The following CTNNA3 variants were observed in gnomAD, a reference collection of about 807,000 sequenced individuals.
CTNNA3 encodes the protein catenin alpha-3.
A neutral mutation model predicts 95.7 loss-of-function variants in CTNNA3; 76 were observed. That is an observed-to-expected ratio of 0.79 (90% CI 0.66 to 0.96). The LOEUF (loss-of-function observed/expected upper bound fraction) is 0.96, where lower values mean the gene tolerates loss of function less well. Ranked by LOEUF, CTNNA3 falls within the 40% of genes least tolerant of loss-of-function variation. CTNNA3 has a pLI of 0.00. For synonymous variants in CTNNA3, 431 were observed against 374.4 expected, an observed-to-expected ratio of 1.15 and a Z score of -1.74; for missense variants, 1,191 against 1,089.8, an observed-to-expected ratio of 1.09 and a Z score of -1.31.
intron 7 of CTNNA3, among the ~76,000 whole-genome samples, chr10:66,962,112 T>A (rs768266351): frequency 1.3e-5 from 2 of 152,102 alleles, no homozygotes; most frequent in Admixed American, 6.5e-5. Flanking sequence ...TGGGCTAGAG[T>A]GATCATTTAA....
chr10:66,367,889 TA>T (rs1564903351), intron 12 of CTNNA3, among the ~76,000 whole-genome samples: 309 of 15,138 alleles, frequency 0.02, 3 homozygotes, highest in African/African-American at 0.045. Flanking sequence ...TAATTATTAT[TA>T]TTATTATTAT....
chr10:66,432,397 G>A (rs538667147), intron 11 of CTNNA3, among the ~76,000 whole-genome samples: 89 of 152,162 alleles, frequency 5.8e-4, no homozygotes, highest in African/African-American at 2.0e-3. Context: ...GGTGGCTCAC[G>A]CCTGTAATCC....
chr10:66,266,881 C>T (rs1484541862), intron 13 of CTNNA3, among the ~76,000 whole-genome samples: 1 of 151,888 alleles, frequency 6.6e-6, no homozygotes, highest in Non-Finnish European at 1.5e-5. Context: ...AAAGAGAAAT[C>T]CCTGAAAATT....
chr10:66,795,185 T>A (rs1352952516), intron 7 of CTNNA3, among the ~76,000 whole-genome samples: 1 of 152,178 alleles, frequency 6.6e-6, no homozygotes, highest in Non-Finnish European at 1.5e-5. Flanking sequence ...AGTTTTCAAT[T>A]AACTTTGCCC....
chr10:67,617,631 T>C (rs1843695311), intron 2 of CTNNA3, among the ~76,000 whole-genome samples: 1 of 152,176 alleles, frequency 6.6e-6, no homozygotes, highest in South Asian at 2.1e-4. Flanking sequence ...AGTAATGGGA[T>C]TACTGGGTCA....
At chr10:67,454,282 C>G (rs1354537897) in intron 5 of CTNNA3, among the ~76,000 whole-genome samples, 2 of 152,068 alleles carry the variant, frequency 1.3e-5, no homozygotes, top group Admixed American at 6.6e-5. Flanking sequence ...GGAGATGGAT[C>G]AGAATTCTCG....
At chr10:66,783,801 T>C (rs1382421552) in intron 7 of CTNNA3, among the ~76,000 whole-genome samples, 1 of 152,116 alleles carries the variant, frequency 6.6e-6, no homozygotes, top group African/African-American at 2.4e-5. Context: ...TTTTTGGAGA[T>C]AGAGAATCAG....
At chr10:67,702,841 G>GT (rs1250621729) in intron 1 of CTNNA3, among the ~76,000 whole-genome samples, 2 of 152,098 alleles carry the variant, frequency 1.3e-5, no homozygotes, top group Non-Finnish European at 2.9e-5. Context: ...CCAGGAGCTG[G>GT]TTTTTTGAAA....
intron 7 of CTNNA3, among the ~76,000 whole-genome samples, chr10:67,143,973 C>G (rs182002487): frequency 6.6e-6 from 1 of 152,164 alleles, no homozygotes; most frequent in African/African-American, 2.4e-5. Context: ...CCATCTACAG[C>G]GAGTATCGCC....
At chr10:67,047,177 C>T (rs558592155) in intron 7 of CTNNA3, among the ~76,000 whole-genome samples, 1 of 152,240 alleles carries the variant, frequency 6.6e-6, no homozygotes, top group African/African-American at 2.4e-5. Context: ...TGCTTCAATC[C>T]TTCCTGCTGA....
chr10:66,182,137 T>C (rs2086071629), intron 13 of CTNNA3, among the ~76,000 whole-genome samples: 1 of 152,154 alleles, frequency 6.6e-6, no homozygotes. Context: ...TTTTATGGGG[T>C]CCCATTTATT....
At chr10:67,158,048 G>A (rs972733378) in intron 7 of CTNNA3, among the ~76,000 whole-genome samples, 3 of 151,836 alleles carry the variant, frequency 2.0e-5, no homozygotes, top group African/African-American at 7.3e-5. Flanking sequence ...GAATTCCACC[G>A]GGACTGGACT....
At chr10:67,451,551 A>G (rs1277534770) in intron 5 of CTNNA3, among the ~76,000 whole-genome samples, 2 of 152,190 alleles carry the variant, frequency 1.3e-5, no homozygotes, top group Admixed American at 6.5e-5. Flanking sequence ...AAGAGGAAAT[A>G]CATCTAGCAA....
chr10:67,110,227 A>G (rs552495720), intron 7 of CTNNA3, among the ~76,000 whole-genome samples: 1 of 152,312 alleles, frequency 6.6e-6, no homozygotes, highest in Non-Finnish European at 1.5e-5. Context: ...ATTTATTTTT[A>G]TATGTGTAGA....
chr10:66,863,770 G>C (rs920131293), intron 7 of CTNNA3, among the ~76,000 whole-genome samples: 1 of 152,096 alleles, frequency 6.6e-6, no homozygotes, highest in African/African-American at 2.4e-5. Flanking sequence ...GTGAAATTTA[G>C]CAACAGGGTG....
intron 10 of CTNNA3, among the ~76,000 whole-genome samples, chr10:66,608,181 T>C (rs891632469): frequency 6.6e-6 from 1 of 152,040 alleles, no homozygotes; most frequent in Non-Finnish European, 1.5e-5. Context: ...AAATCAGAAA[T>C]GCAATCCCAT....
At chr10:67,163,590 C>T (rs1371848702) in intron 7 of CTNNA3, among the ~76,000 whole-genome samples, 2 of 151,980 alleles carry the variant, frequency 1.3e-5, no homozygotes, top group Non-Finnish European at 1.5e-5. Flanking sequence ...TCTCACCACA[C>T]TTACGCACCA....
chr10:67,166,493 A>G (rs1046229027), intron 7 of CTNNA3, among the ~76,000 whole-genome samples: 2 of 152,214 alleles, frequency 1.3e-5, no homozygotes, highest in Non-Finnish European at 2.9e-5. Context: ...CTTAAAGAAC[A>G]TGAAAGATTT....
At chr10:67,632,314 A>T (rs1430967120) in intron 2 of CTNNA3, among the ~76,000 whole-genome samples, 10 of 148,926 alleles carry the variant, frequency 6.7e-5, no homozygotes, top group Non-Finnish European at 1.3e-4. Context: ...AAATATATTA[A>T]AAAAAAAAAA....
Sources: allele counts gnomAD v4.1 joint callset (sites outside exome capture counted in the v4.1 genomes callset), GRCh38; gene constraint gnomAD v4.1.1; transcripts MANE v1.5; gene names NCBI Gene and HGNC (gene_info 2026-07-23, HGNC 2026-07-21).